Variants in CENPW observed in about 807,000 individuals in gnomAD.
CENPW encodes the protein centromere protein W.
A neutral mutation model predicts 11.1 loss-of-function variants in CENPW; 3 were observed. That is an observed-to-expected ratio of 0.27 (90% CI 0.12 to 0.70). The LOEUF (loss-of-function observed/expected upper bound fraction) is 0.70, where lower values mean the gene tolerates loss of function less well. CENPW is among the 30% of genes least tolerant of loss of function. The pLI is 0.77. For synonymous variants in CENPW, 38 were observed against 42.0 expected (o/e 0.91, Z 0.37); for missense variants, 100 against 105.6 (o/e 0.95, Z 0.23).
chr6:126,347,423 A>G (rs1016364462), intron 2 of CENPW, among the ~76,000 whole-genome samples: 9 of 152,192 alleles, frequency 5.9e-5, no homozygotes, highest in African/African-American at 2.2e-4. Flanking sequence ...AAATATAGCA[A>G]TAAGGAAACT....
At chr6:126,370,923 T>G in the CENPW span, among the ~76,000 whole-genome samples, 3 of 151,824 alleles carry the variant, frequency 2.0e-5, no homozygotes, top group African/African-American at 4.8e-5. Context: ...TGGCTAATTT[T>G]TTGTGTGTGT....
chr6:126,414,490 A>C, the CENPW span, among the ~76,000 whole-genome samples: 2 of 152,172 alleles, frequency 1.3e-5, no homozygotes, highest in Non-Finnish European at 2.9e-5. Flanking sequence ...TGAAATCAAT[A>C]GTGAGAAACT....
At chr6:126,427,798 T>C in the CENPW span, among the ~76,000 whole-genome samples, 1 of 152,180 alleles carries the variant, frequency 6.6e-6, no homozygotes, top group Non-Finnish European at 1.5e-5. Context: ...GCATAGTGAG[T>C]GTTAGGAACA....
chr6:126,461,824 C>G, the CENPW span, among the ~76,000 whole-genome samples: 13 of 151,852 alleles, frequency 8.6e-5, no homozygotes, highest in Non-Finnish European at 1.8e-4. Context: ...AAAATAGTCT[C>G]TTAATATATA....
the CENPW span, among the ~76,000 whole-genome samples, chr6:126,450,840 T>G: frequency 6.6e-6 from 1 of 150,920 alleles, no homozygotes; most frequent in Non-Finnish European, 1.5e-5. Context: ...TATAGGTAAA[T>G]TTTAGAAAAA....
At chr6:126,452,220 A>T in the CENPW span, among the ~76,000 whole-genome samples, 1 of 151,206 alleles carries the variant, frequency 6.6e-6, no homozygotes, top group African/African-American at 2.4e-5. Context: ...AACATCCAGG[A>T]TTTAATTCAA....
the CENPW span, among the ~76,000 whole-genome samples, chr6:126,468,986 A>G: frequency 1.3e-5 from 2 of 152,108 alleles, no homozygotes; most frequent in Non-Finnish European, 2.9e-5. Context: ...TATTTTTGGT[A>G]GAGACAAGGT....
the CENPW span, among the ~76,000 whole-genome samples, chr6:126,377,289 T>C: frequency 6.6e-6 from 1 of 152,186 alleles, no homozygotes; most frequent in South Asian, 2.1e-4. Flanking sequence ...AACTTTTCAC[T>C]ACTTTACATA....
chr6:126,342,807 A>G (rs1174511761), intron 1 of CENPW, among the ~76,000 whole-genome samples: 1 of 152,096 alleles, frequency 6.6e-6, no homozygotes, highest in African/African-American at 2.4e-5. Context: ...TAATAGCTTC[A>G]ACATTCTGAG....
rs537082546 is a variant in CENPW at position 126,344,771 on chromosome 6, T to C, written c.127-1434T>C. Among the ~76,000 whole-genome samples, 9 of 152,228 alleles carry C rather than the reference T, an allele frequency of 5.9e-5. No homozygotes were observed. In the South Asian group the frequency reaches 1.9e-3, roughly 31 times the overall value. ...TCACTAGAACATTATTAAACACCTA[T>C]ATAACAATCTATTAAAGATTTCTGC... On this transcript the variant is annotated intron_variant, in intron 1 of 2. Transcript: ENST00000368328.
the CENPW span, among the ~76,000 whole-genome samples, chr6:126,457,948 G>GA: frequency 6.6e-6 from 1 of 151,210 alleles, no homozygotes; most frequent in African/African-American, 2.4e-5. Flanking sequence ...TCATGCATGG[G>GA]ACTCTCTGTT....
chr6:126,448,025 T>C, the CENPW span, among the ~76,000 whole-genome samples: 3 of 151,216 alleles, frequency 2.0e-5, no homozygotes, highest in Non-Finnish European at 4.4e-5. Flanking sequence ...AATTTTATGG[T>C]CCTCAAATTT....
chr6:126,461,679 A>G, the CENPW span, among the ~76,000 whole-genome samples: 2 of 151,924 alleles, frequency 1.3e-5, no homozygotes, highest in Non-Finnish European at 2.9e-5. Flanking sequence ...TCACTTTACC[A>G]TATTATCTCT....
At chr6:126,465,851 C>T in the CENPW span, among the ~76,000 whole-genome samples, 2 of 152,138 alleles carry the variant, frequency 1.3e-5, no homozygotes, top group Admixed American at 1.3e-4. Flanking sequence ...AGACGTAAAA[C>T]TTATATTCAC....
the CENPW span, among the ~76,000 whole-genome samples, chr6:126,409,806 C>A: frequency 3.0e-4 from 46 of 151,738 alleles, no homozygotes; most frequent in Admixed American, 4.6e-4. Flanking sequence ...ACATCTTTAC[C>A]AGTGAAGTGA....
the CENPW span, among the ~76,000 whole-genome samples, chr6:126,370,282 AT>A: frequency 1.0e-3 from 157 of 150,538 alleles, no homozygotes; most frequent in South Asian, 3.4e-3. Flanking sequence ...GAATTTTAGT[AT>A]TTTTTTTTCT....
the CENPW span, among the ~76,000 whole-genome samples, chr6:126,436,879 A>AT: frequency 6.6e-6 from 1 of 151,942 alleles, no homozygotes; most frequent in Non-Finnish European, 1.5e-5. Flanking sequence ...CTGGCCCTAG[A>AT]TTAACGTATT....
the CENPW span, among the ~76,000 whole-genome samples, chr6:126,466,734 A>G: frequency 6.6e-6 from 1 of 152,114 alleles, no homozygotes; most frequent in Non-Finnish European, 1.5e-5. Flanking sequence ...GGGTCCAGTT[A>G]AACACCATAG....
the CENPW span, among the ~76,000 whole-genome samples, chr6:126,426,951 AAC>A: frequency 3.3e-5 from 5 of 152,148 alleles, no homozygotes; most frequent in African/African-American, 7.2e-5. Flanking sequence ...TGTTCTGAAA[AAC>A]AGTAGATAAT....
Sources: allele counts gnomAD v4.1 joint callset (sites outside exome capture counted in the v4.1 genomes callset), GRCh38; gene constraint gnomAD v4.1.1; transcripts MANE v1.5; gene names NCBI Gene and HGNC (gene_info 2026-07-23, HGNC 2026-07-21).